The following MYO16 variants were observed in gnomAD, a reference collection of about 807,000 sequenced individuals.
MYO16 encodes myosin XVI, also known as unconventional myosin-XVI.
MYO16 carries 94 observed loss-of-function variants against 205.3 expected under a neutral mutation model. That is an observed-to-expected ratio of 0.46 (90% confidence interval 0.39 to 0.54). The LOEUF (loss-of-function observed/expected upper bound fraction) is 0.54, where lower values mean the gene tolerates loss of function less well. MYO16 is among the 20% of genes least tolerant of loss of function. MYO16 has a pLI of 0.00. For synonymous variants in MYO16, 988 were observed against 954.0 expected, an observed-to-expected ratio of 1.04 and a Z score of -0.66; for missense variants, 2,315 against 2,387.5, an observed-to-expected ratio of 0.97 and a Z score of 0.63.
intron 32 of MYO16, among the ~76,000 whole-genome samples, chr13:109,143,900 TG>T (rs1250025950): frequency 6.6e-6 from 1 of 152,342 alleles, no homozygotes; most frequent in African/African-American, 2.4e-5. Context: ...CTTTGGCCTT[TG>T]GCATAGTTGC....
intron 13 of MYO16, among the ~76,000 whole-genome samples, chr13:108,883,862 C>A (rs1051801174): frequency 4.6e-5 from 7 of 152,230 alleles, no homozygotes; most frequent in African/African-American, 7.2e-5. Flanking sequence ...TGGGCTCAAG[C>A]GATCCTCTTG....
At chr13:108,551,290 A>T in the MYO16 span, among the ~76,000 whole-genome samples, 1 of 152,166 alleles carries the variant, frequency 6.6e-6, no homozygotes, top group South Asian at 2.1e-4. Context: ...CACACAGCTG[A>T]AGAGTCCCTC....
the MYO16 span, among the ~76,000 whole-genome samples, chr13:108,565,810 TG>T: frequency 1.3e-5 from 2 of 152,208 alleles, no homozygotes; most frequent in South Asian, 2.1e-4. Context: ...ATATTAGCTG[TG>T]GGTCTGTCAT....
At chr13:108,828,748 G>A (rs1876427304) in intron 9 of MYO16, among the ~76,000 whole-genome samples, 1 of 152,100 alleles carries the variant, frequency 6.6e-6, no homozygotes, top group Non-Finnish European at 1.5e-5. Flanking sequence ...GCCAATGATG[G>A]CATCATTGAT....
intron 1 of MYO16, among the ~76,000 whole-genome samples, chr13:108,652,715 T>C (rs890642537): frequency 6.6e-6 from 1 of 152,224 alleles, no homozygotes; most frequent in Non-Finnish European, 1.5e-5. Context: ...ATCCATGTTG[T>C]GGCATGTACA....
At chr13:108,971,527 C>T (rs1884011838) in intron 20 of MYO16, among the ~76,000 whole-genome samples, 1 of 151,020 alleles carries the variant, frequency 6.6e-6, no homozygotes, top group African/African-American at 2.4e-5. Context: ...CTTGATATGA[C>T]ATCCACTTTT....
intron 9 of MYO16, among the ~76,000 whole-genome samples, chr13:108,839,803 T>A (rs902877495): frequency 4.6e-5 from 7 of 152,128 alleles, no homozygotes; most frequent in African/African-American, 1.2e-4. Flanking sequence ...CTTCCATGAG[T>A]AATAAAGTCT....
At position 109,141,265 on chromosome 13, in the gene MYO16, C is replaced by G. The variant is rs867955877; in HGVS notation, c.5053C>G (p.Pro1685Ala). Residue 1685 changes from proline (P) to alanine (A), a missense_variant, in exon 32 of 35, where the codon CCC becomes GCC. Physicochemically the swap from Pro to Ala is conservative, Grantham distance 27. Coordinates refer to ENST00000457511, the MANE Select transcript of MYO16 (RefSeq NM_001198950.3). This position sits in a 1 kb window ranked among gnomAD's most constrained non-coding sequence, Gnocchi z 4.1. ...CTCGCCCCCCGCGCCCTACAGCCCT[C>G]CCAGCTCCAGGCCTCTCAGCAGCCC... ...SASPPAPYSPPSSRPLSSPLD... is the reference protein window; with the variant it reads ...SASPPAPYSPASSRPLSSPLD... 8.7e-6 allele frequency: 14 copies of G among 1,604,366 alleles called. No individual in the cohort carries two copies. The highest frequency in any genetic ancestry group is 1.2e-5 in the Non-Finnish European group (14 of 1,175,636).
chr13:108,807,386 A>G (rs1887148192), intron 7 of MYO16, among the ~76,000 whole-genome samples: 2 of 152,078 alleles, frequency 1.3e-5, no homozygotes, highest in South Asian at 2.1e-4. Flanking sequence ...AAAAAAAATC[A>G]TATTGCGTGG....
At chr13:108,817,420 T>C (rs1311764039) in intron 7 of MYO16, among the ~76,000 whole-genome samples, 5 of 152,206 alleles carry the variant, frequency 3.3e-5, no homozygotes, top group Non-Finnish European at 7.3e-5. Context: ...ACATATACAT[T>C]TCTGTGTTTT....
At chr13:109,070,020 C>T (rs1887877692) in intron 27 of MYO16, among the ~76,000 whole-genome samples, 1 of 152,172 alleles carries the variant, frequency 6.6e-6, no homozygotes, top group Non-Finnish European at 1.5e-5. Context: ...CTCTAGTCTT[C>T]AGAGCAGTGT....
chr13:108,898,896 A>C (rs1474126330), intron 15 of MYO16, among the ~76,000 whole-genome samples: 1 of 152,206 alleles, frequency 6.6e-6, no homozygotes, highest in Non-Finnish European at 1.5e-5. Flanking sequence ...TGAAGTAATC[A>C]GATATTTTTA....
rs1254704279 is a variant in MYO16 at position 109,162,382 on chromosome 13, T to C, written c.5165-2519T>C. 6.6e-6 allele frequency among the ~76,000 whole-genome samples: 1 copy of C among 152,158 alleles called. No individual in the cohort carries two copies. The highest frequency in any genetic ancestry group is 1.5e-5 in the Non-Finnish European group (1 of 68,026). On this transcript the variant is annotated intron_variant, in intron 32 of 34. Transcript: ENST00000457511. This position sits in a 1 kb window ranked among gnomAD's most constrained non-coding sequence, Gnocchi z 4.6. ...AGAATAAAACCTCTCAGTTCCTCTT[T>C]GGTGGTTTCCCAGGCCCTGACTCAT... is the stretch of plus-strand genomic sequence containing the variant.
At chr13:109,156,843 C>T (rs1445713450) in intron 32 of MYO16, among the ~76,000 whole-genome samples, 1 of 152,224 alleles carries the variant, frequency 6.6e-6, no homozygotes, top group Non-Finnish European at 1.5e-5. Flanking sequence ...CCTCCTGCTA[C>T]CTCCTCACAC....
rs1566439903 is a variant in MYO16, at chr13:108,972,371, T to TAG, written c.2369+7470_2369+7471insGA. On this transcript the variant is annotated intron_variant, in intron 20 of 34. Coordinates refer to ENST00000457511, the MANE Select transcript of MYO16 (RefSeq NM_001198950.3). The stretch of plus-strand genomic sequence containing the variant: ...ATAGCCATATATATATATATATATA[T>TAG]ATATATATATATATATATATATATA... Among the ~76,000 whole-genome samples, 5 of 52,876 alleles carry TAG rather than the reference T, an allele frequency of 9.5e-5. No homozygotes were observed. The East Asian group carries it at 2.5e-3, about 26-fold the overall frequency. The allele number at this position is 52,876 out of a possible 152,430, so 34.7% of individuals were successfully genotyped here. A position where few individuals can be genotyped will look rare whatever the true frequency, so the allele number is the denominator to read the frequency against.
At chr13:108,879,231 C>T (rs1879482502) in intron 12 of MYO16, among the ~76,000 whole-genome samples, 1 of 152,194 alleles carries the variant, frequency 6.6e-6, no homozygotes, top group Non-Finnish European at 1.5e-5. Context: ...GTATCTCACA[C>T]TCAACATTGT....
rs116020136 is a variant in MYO16, at chr13:108,961,717, A to G, written c.2155+61A>G. ...TGATGTGCAATTTTGTAGATCTACC[A>G]GTAGATGGCGACATAGTACAGAAAA... On this transcript the variant is annotated intron_variant, in intron 18 of 34. Transcript: ENST00000457511. 19 of 1,318,514 alleles carry G rather than the reference A, an allele frequency of 1.4e-5. No homozygotes were observed. The African/African-American group carries it at 2.0e-4, about 14-fold the overall frequency. 81.7% of individuals were successfully genotyped at this position (1,318,514 alleles called of 1,614,324 possible).
At chr13:109,178,316 C>T (rs998420942) in intron 33 of MYO16, among the ~76,000 whole-genome samples, 24 of 152,086 alleles carry the variant, frequency 1.6e-4, no homozygotes, top group Admixed American at 1.4e-3. Flanking sequence ...CCATTGTCCG[C>T]CCAGTCTTCA....
At chr13:108,673,511 T>G (rs1882080319) in intron 2 of MYO16, among the ~76,000 whole-genome samples, 2 of 152,126 alleles carry the variant, frequency 1.3e-5, no homozygotes. Context: ...ATATCTCCAT[T>G]TTATCACAAA....
Sources: allele counts gnomAD v4.1 joint callset (sites outside exome capture counted in the v4.1 genomes callset), GRCh38; gene constraint gnomAD v4.1.1; non-coding constraint Gnocchi (gnomAD v3.1); transcripts MANE v1.5; gene names NCBI Gene and HGNC (gene_info 2026-07-23, HGNC 2026-07-21).